The following CEP83 variants were observed in gnomAD, a reference collection of about 807,000 sequenced individuals.
The protein encoded by CEP83 is centrosomal protein of 83 kDa.
A neutral mutation model predicts 101.9 loss-of-function variants in CEP83; 70 were observed. The ratio of observed to expected loss-of-function variants is 0.69; its 90% CI spans 0.57 to 0.84. The LOEUF is 0.84. Among genes scored for constraint, CEP83 ranks in the 40% least tolerant of loss-of-function variants. The pLI, the probability that CEP83 is intolerant of heterozygous loss-of-function variation, is 0.00. For missense variants in CEP83, 715 were observed against 787.2 expected (o/e 0.91, Z 1.10); for synonymous variants, 264 against 267.9 (o/e 0.99, Z 0.14).
downstream of CEP83, among the ~76,000 whole-genome samples, chr12:94,303,561 G>C (rs1461955109): frequency 6.6e-6 from 1 of 152,104 alleles, no homozygotes; most frequent in Non-Finnish European, 1.5e-5. Flanking sequence ...TGACTCACCA[G>C]AACTATCTAG....
chr12:94,430,642 T>G (rs1161934466), intron 2 of CEP83, among the ~76,000 whole-genome samples: 1 of 152,136 alleles, frequency 6.6e-6, no homozygotes, highest in Non-Finnish European at 1.5e-5. Context: ...CAACTAAATA[T>G]TCTCATTTTC....
intron 2 of CEP83, among the ~76,000 whole-genome samples, chr12:94,422,246 C>A (rs61927186): frequency 0.21 from 32,665 of 152,182 alleles, 3,882 homozygotes; most frequent in South Asian, 0.29. Context: ...ACAGCCATAG[C>A]ATGGACGCAT....
chr12:94,457,288 T>G (rs1201412157), intron 1 of CEP83, among the ~76,000 whole-genome samples: 1 of 152,190 alleles, frequency 6.6e-6, no homozygotes, highest in Non-Finnish European at 1.5e-5. Flanking sequence ...TTTACACAGA[T>G]TTACACACAT....
At chr12:94,421,312 AC>A (rs1400374419) in intron 2 of CEP83, among the ~76,000 whole-genome samples, 22 of 152,070 alleles carry the variant, frequency 1.4e-4, no homozygotes, top group African/African-American at 5.3e-4. Flanking sequence ...TCCCACCTTG[AC>A]CTGCTAAAAT....
chr12:94,302,099 A>T (rs923616758), downstream of CEP83, among the ~76,000 whole-genome samples: 9 of 152,090 alleles, frequency 5.9e-5, no homozygotes, highest in African/African-American at 2.2e-4. Flanking sequence ...TAAAACATAA[A>T]TCTGATGATG....
chr12:94,447,184 T>C (rs867428192), intron 1 of CEP83, among the ~76,000 whole-genome samples: 27 of 152,224 alleles, frequency 1.8e-4, no homozygotes, highest in Middle Eastern at 3.4e-3. Context: ...GAAATAACAA[T>C]GGAAGTCCCT....
chr12:94,360,856 G>A (rs936707489), intron 11 of CEP83, among the ~76,000 whole-genome samples: 4 of 152,098 alleles, frequency 2.6e-5, no homozygotes, highest in Non-Finnish European at 4.4e-5. Flanking sequence ...TTCAAAATAT[G>A]CTACAAAGCT....
At chr12:94,273,443 C>T in the CEP83 span, among the ~76,000 whole-genome samples, 9 of 152,222 alleles carry the variant, frequency 5.9e-5, no homozygotes, top group South Asian at 6.2e-4. Flanking sequence ...CCAAGTGTCT[C>T]CATGGTCTAG....
At chr12:94,332,230 T>C (rs1342976794) in intron 13 of CEP83, among the ~76,000 whole-genome samples, 1 of 152,282 alleles carries the variant, frequency 6.6e-6, no homozygotes, top group East Asian at 1.9e-4. Flanking sequence ...CCTCATAAAT[T>C]TGGTTTAAGA....
intron 2 of CEP83, among the ~76,000 whole-genome samples, chr12:94,426,037 G>A (rs1159711809): frequency 6.6e-6 from 1 of 151,836 alleles, no homozygotes; most frequent in Non-Finnish European, 1.5e-5. Context: ...CAGGAGAATG[G>A]TGTGAACCTG....
chr12:94,290,290 T>A, the CEP83 span, among the ~76,000 whole-genome samples: 1 of 152,218 alleles, frequency 6.6e-6, no homozygotes, highest in East Asian at 1.9e-4. Context: ...ATAAACTCGG[T>A]GTCTGAGTAT....
chr12:94,279,675 T>C, the CEP83 span: 1 of 1,608,688 alleles, frequency 6.2e-7, no homozygotes, highest in Non-Finnish European at 8.5e-7. Context: ...AGCTATGTGG[T>C]CCCAGGCCCT....
chr12:94,377,886 A>C (rs2061634249), intron 7 of CEP83, among the ~76,000 whole-genome samples: 1 of 152,248 alleles, frequency 6.6e-6, no homozygotes, highest in Non-Finnish European at 1.5e-5. Context: ...TGATACTGAC[A>C]ACTTTTAATT....
At chr12:94,347,769 G>A (rs1055194486) in intron 11 of CEP83, among the ~76,000 whole-genome samples, 4 of 152,090 alleles carry the variant, frequency 2.6e-5, no homozygotes, top group East Asian at 1.9e-4. Flanking sequence ...GATAAGTCAC[G>A]GGTTGCCTAA....
chr12:94,458,646 G>A (rs1177062568), intron 1 of CEP83, among the ~76,000 whole-genome samples: 1 of 152,072 alleles, frequency 6.6e-6, no homozygotes, highest in East Asian at 1.9e-4. Flanking sequence ...GCTGAGGCAG[G>A]AGAATCGCTT....
intron 6 of CEP83, among the ~76,000 whole-genome samples, chr12:94,397,422 T>G (rs1433681631): frequency 6.6e-6 from 1 of 152,202 alleles, no homozygotes; most frequent in South Asian, 2.1e-4. Context: ...CACTTGAACC[T>G]GGGAGGCAGA....
intron 2 of CEP83, among the ~76,000 whole-genome samples, chr12:94,413,517 T>C (rs1278469767): frequency 6.6e-6 from 1 of 152,134 alleles, no homozygotes; most frequent in Non-Finnish European, 1.5e-5. Flanking sequence ...CTTCAGCAAG[T>C]AACTATGCCT....
At chr12:94,353,600 A>T (rs2060301405) in intron 11 of CEP83, among the ~76,000 whole-genome samples, 1 of 152,212 alleles carries the variant, frequency 6.6e-6, no homozygotes, top group African/African-American at 2.4e-5. Context: ...CTTTGAATGT[A>T]AACAGATTAC....
At chr12:94,457,984 G>A (rs554826972) in intron 1 of CEP83, among the ~76,000 whole-genome samples, 2 of 152,204 alleles carry the variant, frequency 1.3e-5, no homozygotes, top group African/African-American at 4.8e-5. Flanking sequence ...ATCGCCTGAA[G>A]TCAGGAGTTC....
Sources: gnomAD v4.1 joint callset for allele counts (sites outside exome capture counted in the v4.1 genomes callset) on GRCh38, gnomAD v4.1.1 for gene constraint, MANE v1.5 for transcripts, NCBI Gene and HGNC (gene_info 2026-07-23, HGNC 2026-07-21) for gene names.